The following FRMD4A variants were observed in gnomAD, a reference collection of about 807,000 sequenced individuals.
FRMD4A encodes FERM domain containing 4A.
FRMD4A carries 29 observed loss-of-function variants against 129.1 expected under a neutral mutation model. The observed-to-expected ratio is 0.22, with a 90% CI of 0.17 to 0.31. The LOEUF (loss-of-function observed/expected upper bound fraction) is 0.31. FRMD4A is among the 10% of genes least tolerant of loss of function. FRMD4A has a pLI of 1.00. For missense variants in FRMD4A, 1,272 were observed against 1,375.8 expected (o/e 0.92, Z 1.19); for synonymous variants, 634 against 571.6 (o/e 1.11, Z -1.56).
intron 2 of FRMD4A, among the ~76,000 whole-genome samples, chr10:13,884,140 ACACTCT>A (rs1372278322): frequency 2.9e-5 from 2 of 68,876 alleles, no homozygotes; most frequent in South Asian, 7.8e-4. Flanking sequence ...ACGCTCACAC[ACACTCT>A]CACACACTCT....
At chr10:14,001,129 C>A (rs1234647338) in intron 2 of FRMD4A, among the ~76,000 whole-genome samples, 8 of 152,138 alleles carry the variant, frequency 5.3e-5, no homozygotes, top group Non-Finnish European at 1.2e-4. Flanking sequence ...AATATTATTT[C>A]CTTGGGGCAG....
At chr10:14,316,421 C>T (rs920273033) in intron 2 of FRMD4A, among the ~76,000 whole-genome samples, 1 of 146,490 alleles carries the variant, frequency 6.8e-6, no homozygotes, top group East Asian at 2.1e-4. Context: ...ATTCCTCGAT[C>T]TTGGATTTCT....
At chr10:14,083,222 A>T (rs1478845165) in intron 2 of FRMD4A, 1 of 152,254 alleles carries the variant, frequency 6.6e-6, no homozygotes, top group Non-Finnish European at 1.5e-5. Flanking sequence ...ATGACAGCTG[A>T]CATGTTTGAG....
At chr10:14,093,858 AT>A (rs1225098749) in intron 2 of FRMD4A, among the ~76,000 whole-genome samples, 1 of 152,090 alleles carries the variant, frequency 6.6e-6, no homozygotes, top group Admixed American at 6.5e-5. Context: ...TTGCCTTTGA[AT>A]TTCTTTTCAA....
chr10:14,189,961 C>CT (rs1166694891), intron 2 of FRMD4A, among the ~76,000 whole-genome samples: 2 of 152,220 alleles, frequency 1.3e-5, no homozygotes, highest in Non-Finnish European at 2.9e-5. Flanking sequence ...AGGGCGCTCT[C>CT]TGACTCTAGG....
At chr10:14,310,692 A>G (rs1036528852) in intron 2 of FRMD4A, among the ~76,000 whole-genome samples, 2 of 152,188 alleles carry the variant, frequency 1.3e-5, no homozygotes, top group African/African-American at 4.8e-5. Flanking sequence ...CGCTATGCAA[A>G]GGGCACACCT....
chr10:13,995,629 A>C (rs1348143447), intron 2 of FRMD4A, among the ~76,000 whole-genome samples: 1 of 152,208 alleles, frequency 6.6e-6, no homozygotes, highest in African/African-American at 2.4e-5. Context: ...TGGCTGAACC[A>C]AAAGCCATAG....
At chr10:13,669,772 T>TTTTG (rs149570918) in intron 17 of FRMD4A, among the ~76,000 whole-genome samples, 39 of 152,270 alleles carry the variant, frequency 2.6e-4, no homozygotes, top group Middle Eastern at 3.4e-3. Context: ...CAAGTCTTGG[T>TTTTG]TTTGTTTGTT....
intron 9 of FRMD4A, among the ~76,000 whole-genome samples, chr10:13,745,720 A>C (rs1409525111): frequency 6.6e-6 from 1 of 152,184 alleles, no homozygotes; most frequent in Admixed American, 6.5e-5. Flanking sequence ...GGAATGAATG[A>C]AGGGATGACT....
intron 2 of FRMD4A, among the ~76,000 whole-genome samples, chr10:13,909,485 C>T (rs2094918865): frequency 6.6e-6 from 1 of 152,156 alleles, no homozygotes; most frequent in African/African-American, 2.4e-5. Flanking sequence ...ATTTTTGAGT[C>T]AACAGTTGAG....
At chr10:14,171,037 T>TA (rs1841451004) in intron 2 of FRMD4A, among the ~76,000 whole-genome samples, 1 of 150 alleles carries the variant, frequency 6.7e-3, no homozygotes, top group Admixed American at 0.1. Context: ...TTTATTTGTT[T>TA]GTTTTTTGCG....
intron 3 of FRMD4A, among the ~76,000 whole-genome samples, chr10:13,847,208 C>A (rs901621270): frequency 1.3e-5 from 2 of 152,114 alleles, no homozygotes; most frequent in Non-Finnish European, 2.9e-5. Flanking sequence ...GGGCTGCCAC[C>A]GAGGTGTTCA....
intron 8 of FRMD4A, 88 bp from the exon 9 acceptor site, chr10:13,747,907 G>A: frequency 1.3e-6 from 1 of 774,732 alleles, no homozygotes; most frequent in Admixed American, 1.8e-5. Flanking sequence ...TCTTGTCTGA[G>A]AGACCCCACA....
intron 2 of FRMD4A, among the ~76,000 whole-genome samples, chr10:14,255,023 A>G (rs1188722893): frequency 6.6e-6 from 1 of 152,174 alleles, no homozygotes; most frequent in East Asian, 1.9e-4. Context: ...CCATCAAGCA[A>G]ACTCTACCAG....
intron 2 of FRMD4A, among the ~76,000 whole-genome samples, chr10:13,895,459 G>T (rs1178240532): frequency 1.3e-5 from 2 of 152,032 alleles, no homozygotes; most frequent in Non-Finnish European, 2.9e-5. Flanking sequence ...GTGTGTATGT[G>T]CCATGTTTTC....
chr10:13,702,362 C>T (rs577622025), intron 13 of FRMD4A, among the ~76,000 whole-genome samples: 6 of 152,320 alleles, frequency 3.9e-5, no homozygotes, highest in African/African-American at 1.4e-4. Flanking sequence ...CCGCACCTGG[C>T]CCTGTCTATA....
intron 5 of FRMD4A, among the ~76,000 whole-genome samples, chr10:13,788,338 T>C (rs1221078982): frequency 6.6e-6 from 1 of 152,158 alleles, no homozygotes; most frequent in East Asian, 1.9e-4. Flanking sequence ...TGAAATTATT[T>C]AAACTAGCCA....
intron 5 of FRMD4A, among the ~76,000 whole-genome samples, chr10:13,796,133 G>C (rs893290243): frequency 6.6e-5 from 10 of 152,066 alleles, no homozygotes; most frequent in African/African-American, 2.2e-4. Context: ...AGAATACAAA[G>C]GCTTTTGTTA....
chr10:13,686,362 T>A (rs1354057600), intron 15 of FRMD4A, among the ~76,000 whole-genome samples: 4 of 152,244 alleles, frequency 2.6e-5, no homozygotes, highest in African/African-American at 9.6e-5. Context: ...GCCGCCATCA[T>A]GACGCTGACA....
Sources: allele counts gnomAD v4.1 joint callset (sites outside exome capture counted in the v4.1 genomes callset), GRCh38; gene constraint gnomAD v4.1.1; transcripts MANE v1.5; gene names NCBI Gene and HGNC (gene_info 2026-07-23, HGNC 2026-07-21).